The following CHCHD3 variants were observed in gnomAD, a reference collection of about 807,000 sequenced individuals.
CHCHD3 encodes MICOS complex subunit MIC19.
A neutral mutation model predicts 38.2 loss-of-function variants in CHCHD3; 20 were observed. That is an observed-to-expected ratio of 0.52 (90% CI 0.37 to 0.76). CHCHD3 has a LOEUF of 0.76. Among genes scored for constraint, CHCHD3 ranks in the 30% least tolerant of loss-of-function variants. The pLI, the probability that CHCHD3 is intolerant of heterozygous loss-of-function variation, is 0.00. For synonymous variants in CHCHD3, 82 were observed against 100.0 expected (o/e 0.82, Z 1.07); for missense variants, 245 against 279.2 (o/e 0.88, Z 0.87).
intron 2 of CHCHD3, among the ~76,000 whole-genome samples, chr7:133,041,224 A>G (rs533865474): frequency 8.3e-4 from 126 of 152,328 alleles, no homozygotes; most frequent in Admixed American, 2.1e-3. Flanking sequence ...TGTGAGAATT[A>G]TATCACCTTC....
At chr7:132,891,633 A>C (rs1184998930) in intron 4 of CHCHD3, among the ~76,000 whole-genome samples, 1 of 152,212 alleles carries the variant, frequency 6.6e-6, no homozygotes, top group Non-Finnish European at 1.5e-5. Context: ...TAACATACAG[A>C]AAACAGCCAA....
At chr7:133,056,661 C>G (rs10247802) in intron 2 of CHCHD3, among the ~76,000 whole-genome samples, 58,714 of 151,992 alleles carry the variant, frequency 0.39, 11,548 homozygotes, top group East Asian at 0.55. Context: ...AAGTAGTTCA[C>G]TTGGCAAGAG....
intron 5 of CHCHD3, among the ~76,000 whole-genome samples, chr7:132,859,075 G>A (rs191751119): frequency 2.0e-5 from 3 of 152,168 alleles, no homozygotes; most frequent in Non-Finnish European, 4.4e-5. Flanking sequence ...CTGTATTAAC[G>A]TACTGATTTC....
At chr7:132,974,811 T>C (rs1585690060) in intron 4 of CHCHD3, among the ~76,000 whole-genome samples, 1 of 151,492 alleles carries the variant, frequency 6.6e-6, no homozygotes, top group African/African-American at 2.4e-5. Context: ...GAGGCGGAGG[T>C]TGCAGTGAGC....
intron 5 of CHCHD3, among the ~76,000 whole-genome samples, chr7:132,843,779 T>A (rs1808001080): frequency 6.6e-6 from 1 of 152,362 alleles, no homozygotes; most frequent in Non-Finnish European, 1.5e-5. Context: ...TCATCTGTTT[T>A]CTTTGGTTAA....
intron 3 of CHCHD3, among the ~76,000 whole-genome samples, chr7:132,996,753 G>A (rs949727990): frequency 1.3e-5 from 2 of 152,142 alleles, no homozygotes; most frequent in African/African-American, 2.4e-5. Context: ...CGATGCTGAG[G>A]GAGTGTGCTC....
chr7:132,974,489 C>T (rs1811706373), intron 4 of CHCHD3, among the ~76,000 whole-genome samples: 1 of 152,162 alleles, frequency 6.6e-6, no homozygotes, highest in South Asian at 2.1e-4. Context: ...GTCTTCCAGA[C>T]TAACATCTGG....
At chr7:132,920,985 G>A (rs1210030640) in intron 4 of CHCHD3, among the ~76,000 whole-genome samples, 1 of 152,138 alleles carries the variant, frequency 6.6e-6, no homozygotes, top group Admixed American at 6.5e-5. Flanking sequence ...GCTGGGGAAG[G>A]AGTACAGTAA....
At chr7:133,017,914 A>C (rs1229066531) in intron 3 of CHCHD3, among the ~76,000 whole-genome samples, 1 of 152,242 alleles carries the variant, frequency 6.6e-6, no homozygotes, top group Non-Finnish European at 1.5e-5. Context: ...AAAGTAGCAG[A>C]TGGCACAAGA....
chr7:132,862,666 A>G (rs1344135523), intron 5 of CHCHD3, among the ~76,000 whole-genome samples: 1 of 152,192 alleles, frequency 6.6e-6, no homozygotes, highest in Non-Finnish European at 1.5e-5. Context: ...GATGCTGTTT[A>G]ATAGCATTTA....
chr7:132,885,160 G>A (rs1400027368), intron 5 of CHCHD3, among the ~76,000 whole-genome samples: 6 of 152,128 alleles, frequency 3.9e-5, no homozygotes, highest in Non-Finnish European at 8.8e-5. Context: ...GCTAAGGCAT[G>A]GGAATCACTT....
At chr7:132,860,314 GAA>G (rs140225666) in intron 5 of CHCHD3, among the ~76,000 whole-genome samples, 19,027 of 118,330 alleles carry the variant, frequency 0.16, 1,251 homozygotes, top group Middle Eastern at 0.21. Flanking sequence ...GAGAGAGAGA[GAA>G]AGAGAGAGAG....
chr7:132,922,606 C>T (rs758131338), intron 4 of CHCHD3, among the ~76,000 whole-genome samples: 5 of 151,534 alleles, frequency 3.3e-5, no homozygotes, highest in Non-Finnish European at 7.4e-5. Context: ...TACTGATAAA[C>T]TTTGATCAAA....
intron 4 of CHCHD3, among the ~76,000 whole-genome samples, chr7:132,925,811 C>T (rs555050070): frequency 1.1e-4 from 16 of 152,204 alleles, no homozygotes; most frequent in South Asian, 4.2e-4. Context: ...AACTTCATAA[C>T]GAAAACGTTT....
intron 4 of CHCHD3, among the ~76,000 whole-genome samples, chr7:132,910,227 C>T (rs931695641): frequency 2.0e-5 from 3 of 152,114 alleles, no homozygotes; most frequent in South Asian, 4.2e-4. Context: ...GTATTTGTAC[C>T]GGTAAAACTT....
chr7:132,841,428 CAA>C (rs10599275), intron 5 of CHCHD3, among the ~76,000 whole-genome samples: 15 of 141,086 alleles, frequency 1.1e-4, no homozygotes, highest in Admixed American at 2.1e-4. Context: ...ACAACAACAA[CAA>C]AAAAAAAAAA....
chr7:132,986,534 T>C (rs1173573045), intron 3 of CHCHD3, among the ~76,000 whole-genome samples: 1 of 152,066 alleles, frequency 6.6e-6, no homozygotes, highest in Non-Finnish European at 1.5e-5. Flanking sequence ...AAGTCTCCAT[T>C]ATGTGATAGA....
chr7:132,930,093 A>G (rs1438828101), intron 4 of CHCHD3, among the ~76,000 whole-genome samples: 1 of 152,082 alleles, frequency 6.6e-6, no homozygotes, highest in Non-Finnish European at 1.5e-5. Flanking sequence ...GATTCTTATC[A>G]GTCTTCAAGC....
At chr7:132,940,250 A>G (rs988919467) in intron 4 of CHCHD3, among the ~76,000 whole-genome samples, 1 of 152,204 alleles carries the variant, frequency 6.6e-6, no homozygotes, top group Non-Finnish European at 1.5e-5. Context: ...TACAGTTTCC[A>G]AACCATTTAA....
Sources: allele counts gnomAD v4.1 joint callset (sites outside exome capture counted in the v4.1 genomes callset), GRCh38; gene constraint gnomAD v4.1.1; transcripts MANE v1.5; gene names NCBI Gene and HGNC (gene_info 2026-07-23, HGNC 2026-07-21).